The following PRKN variants were observed in gnomAD, a reference collection of about 807,000 sequenced individuals.
The protein encoded by PRKN is parkin RBR E3 ubiquitin protein ligase, also known as E3 ubiquitin-protein ligase parkin.
PRKN carries 56 observed loss-of-function variants against 59.5 expected under a neutral mutation model. The ratio of observed to expected loss-of-function variants is 0.94; its 90% CI spans 0.76 to 1.18. PRKN has a LOEUF of 1.18. Among genes scored for constraint, PRKN ranks in the 50% most tolerant of loss-of-function variants. The pLI is 0.00. For missense variants in PRKN, 657 were observed against 596.4 expected (o/e 1.10, Z -1.06); for synonymous variants, 250 against 222.1 (o/e 1.13, Z -1.12).
At chr6:161,801,820 C>T (rs1042089196) in intron 6 of PRKN, among the ~76,000 whole-genome samples, 8 of 152,228 alleles carry the variant, frequency 5.3e-5, no homozygotes, top group South Asian at 2.1e-4. Flanking sequence ...CCCCAGGTTT[C>T]GGGTGAACAA....
At chr6:162,572,110 C>G (rs1780357115) in intron 1 of PRKN, among the ~76,000 whole-genome samples, 1 of 152,146 alleles carries the variant, frequency 6.6e-6, no homozygotes, top group Admixed American at 6.5e-5. Flanking sequence ...CTCTGGCCCT[C>G]TATTACCCCC....
chr6:161,430,597 C>T (rs555415228), intron 9 of PRKN, among the ~76,000 whole-genome samples: 9 of 151,816 alleles, frequency 5.9e-5, no homozygotes, highest in African/African-American at 1.9e-4. Flanking sequence ...GGGTGGATCA[C>T]GAGGTCAGGA....
chr6:161,993,359 A>G (rs1374329950), intron 5 of PRKN, among the ~76,000 whole-genome samples: 2 of 152,188 alleles, frequency 1.3e-5, no homozygotes, highest in African/African-American at 4.8e-5. Context: ...GAGGAAATAT[A>G]TAAACCTTGG....
At chr6:162,624,024 G>A (rs1412292537) in intron 1 of PRKN, among the ~76,000 whole-genome samples, 3 of 151,990 alleles carry the variant, frequency 2.0e-5, no homozygotes, top group South Asian at 2.1e-4. Flanking sequence ...CGAGGTGGGC[G>A]GATCACCTGA....
intron 9 of PRKN, among the ~76,000 whole-genome samples, chr6:161,489,625 A>C (rs73591607): frequency 0.013 from 1,960 of 148,154 alleles, 40 homozygotes; most frequent in African/African-American, 0.048. Context: ...GTATGTAATA[A>C]TTTTTTTTTG....
At chr6:162,074,320 G>A (rs1283702060) in intron 4 of PRKN, among the ~76,000 whole-genome samples, 1 of 127,986 alleles carries the variant, frequency 7.8e-6, no homozygotes. Flanking sequence ...ATGAGTTCAT[G>A]TCCTTTGTAG....
intron 8 of PRKN, among the ~76,000 whole-genome samples, chr6:161,567,031 T>TG (rs1401421404): frequency 2.6e-5 from 3 of 117,052 alleles, no homozygotes; most frequent in Admixed American, 8.1e-5. Flanking sequence ...TGTTTTTTTT[T>TG]TTTTTTTGTG....
chr6:161,586,332 T>C (rs1781519914), intron 7 of PRKN, among the ~76,000 whole-genome samples: 1 of 152,224 alleles, frequency 6.6e-6, no homozygotes, highest in African/African-American at 2.4e-5. Flanking sequence ...CCTTTGGTTT[T>C]GTCACTATAT....
intron 4 of PRKN, among the ~76,000 whole-genome samples, chr6:162,173,691 A>G (rs754736393): frequency 6.6e-6 from 1 of 152,098 alleles, no homozygotes; most frequent in African/African-American, 2.4e-5. Context: ...ACACCAATCA[A>G]TAAAGGAAGG....
At chr6:162,522,996 T>C (rs970445814) in intron 1 of PRKN, among the ~76,000 whole-genome samples, 4 of 152,198 alleles carry the variant, frequency 2.6e-5, no homozygotes, top group Admixed American at 2.6e-4. Flanking sequence ...TTGATTCTAT[T>C]ACCAGCATCG....
chr6:161,507,650 A>G (rs958339739), intron 9 of PRKN, among the ~76,000 whole-genome samples: 15 of 151,996 alleles, frequency 9.9e-5, no homozygotes, highest in African/African-American at 3.4e-4. Flanking sequence ...CCTACCCTCC[A>G]TTCTCTGCCT....
At chr6:161,558,204 C>A (rs949168663) in intron 8 of PRKN, among the ~76,000 whole-genome samples, 1 of 152,142 alleles carries the variant, frequency 6.6e-6, no homozygotes, top group Non-Finnish European at 1.5e-5. Context: ...AGAACTAAGG[C>A]TGAAACTTTC....
intron 7 of PRKN, among the ~76,000 whole-genome samples, chr6:161,679,369 C>T (rs1785213387): frequency 6.6e-6 from 1 of 152,154 alleles, no homozygotes; most frequent in African/African-American, 2.4e-5. Flanking sequence ...GGGTCTGCTT[C>T]AGGCCACTGA....
At chr6:162,236,979 C>T (rs934772967) in intron 3 of PRKN, among the ~76,000 whole-genome samples, 4 of 152,038 alleles carry the variant, frequency 2.6e-5, no homozygotes, top group Admixed American at 6.6e-5. Context: ...CCTTGAGATG[C>T]CTGCAGATCT....
At chr6:162,417,580 C>T (rs1788695761) in intron 2 of PRKN, among the ~76,000 whole-genome samples, 1 of 152,180 alleles carries the variant, frequency 6.6e-6, no homozygotes, top group South Asian at 2.1e-4. Context: ...CAAAACCCTG[C>T]ATTTAAAGCC....
chr6:161,580,723 C>T (rs1168876942), intron 7 of PRKN, among the ~76,000 whole-genome samples: 4 of 152,020 alleles, frequency 2.6e-5, no homozygotes, highest in South Asian at 4.2e-4. Flanking sequence ...CATGATCCAC[C>T]CGCCTCGGCC....
At chr6:161,892,853 T>A (rs758739615) in intron 6 of PRKN, among the ~76,000 whole-genome samples, 1 of 152,250 alleles carries the variant, frequency 6.6e-6, no homozygotes, top group Non-Finnish European at 1.5e-5. Context: ...AATATTTAGT[T>A]GTTTTATGAG....
intron 3 of PRKN, among the ~76,000 whole-genome samples, chr6:162,246,674 A>G (rs1205923442): frequency 6.6e-6 from 1 of 152,140 alleles, no homozygotes; most frequent in Non-Finnish European, 1.5e-5. Context: ...TAAATATGTG[A>G]TAAGGTTTCT....
At chr6:161,384,842 C>T (rs1182117343) in intron 10 of PRKN, among the ~76,000 whole-genome samples, 1 of 152,226 alleles carries the variant, frequency 6.6e-6, no homozygotes, top group African/African-American at 2.4e-5. Context: ...TTTGGTTTAG[C>T]ATATTACTGT....
Sources: allele counts gnomAD v4.1 joint callset (sites outside exome capture counted in the v4.1 genomes callset), GRCh38; gene constraint gnomAD v4.1.1; transcripts MANE v1.5; gene names NCBI Gene and HGNC (gene_info 2026-07-23, HGNC 2026-07-21).